ITGA8: variants seen among roughly 807,000 people sequenced by gnomAD.
ITGA8 encodes integrin subunit alpha 8.
ITGA8 carries 91 observed loss-of-function variants against 142.3 expected under a neutral mutation model. The ratio of observed to expected loss-of-function variants is 0.64; its 90% CI spans 0.54 to 0.76. The LOEUF is 0.76. Among genes scored for constraint, ITGA8 ranks in the 30% least tolerant of loss-of-function variants. The pLI is 0.00. For missense variants in ITGA8, 1,406 were observed against 1,327.7 expected (o/e 1.06, Z -0.92); for synonymous variants, 505 against 485.2 (o/e 1.04, Z -0.54).
At chr10:15,575,940 CGTGTGTGTGT>C (rs34463146) in intron 23 of ITGA8, among the ~76,000 whole-genome samples, 5 of 148,840 alleles carry the variant, frequency 3.4e-5, no homozygotes, top group African/African-American at 4.9e-5. Context: ...CATGTGAGAA[CGTGTGTGTGT>C]GTGTGTGTGT....
intron 15 of ITGA8, among the ~76,000 whole-genome samples, chr10:15,608,615 A>T (rs1833241039): frequency 2.0e-5 from 3 of 152,086 alleles, no homozygotes. Flanking sequence ...TGTGCCAGGG[A>T]GGGAAGAATT....
chr10:15,667,282 C>G (rs965081726), intron 8 of ITGA8, among the ~76,000 whole-genome samples: 8 of 151,988 alleles, frequency 5.3e-5, no homozygotes, highest in African/African-American at 1.9e-4. Flanking sequence ...TCCATTTCTT[C>G]TAGATTGTCT....
chr10:15,623,101 A>C (rs773686150), intron 13 of ITGA8, among the ~76,000 whole-genome samples: 1 of 152,050 alleles, frequency 6.6e-6, no homozygotes, highest in African/African-American at 2.4e-5. Context: ...TATCCTGAGG[A>C]TATGTTGGAC....
At position 15,517,031 on chromosome 10, in the gene ITGA8, C is replaced by CGT; in HGVS notation, c.*126_*127insAC. 2.1e-6 allele frequency: 1 copy of CGT among 483,568 alleles called. No homozygotes were observed. Among genetic ancestry groups the CGT allele is most frequent in the Non-Finnish European group, 3.4e-6 (1 of 294,100 alleles). The allele number at this position is 483,568 out of a possible 1,614,324, so 30.0% of individuals were successfully genotyped here. ...TGCGGTGTAGATGAGGTGATGTTTC[C>CGT]AGGGTCCCCTCCATTTCCTGGGTCA... On this transcript the variant is annotated 3_prime_UTR_variant, in exon 30 of 30. Coordinates refer to ENST00000378076, the MANE Select transcript of ITGA8 (RefSeq NM_003638.3).
chr10:15,590,983 T>C (rs1832911565), intron 22 of ITGA8, among the ~76,000 whole-genome samples: 1 of 152,196 alleles, frequency 6.6e-6, no homozygotes, highest in Non-Finnish European at 1.5e-5. Flanking sequence ...ACATGGGTTG[T>C]GGATTTTTAA....
intron 8 of ITGA8, among the ~76,000 whole-genome samples, chr10:15,667,709 G>C (rs1329928453): frequency 1.3e-5 from 2 of 151,806 alleles, no homozygotes; most frequent in East Asian, 1.9e-4. Flanking sequence ...AGAGATTCTG[G>C]TATGTTGTGT....
intron 22 of ITGA8, among the ~76,000 whole-genome samples, chr10:15,589,764 A>ATTT (rs5783452): frequency 0.038 from 5,278 of 137,548 alleles, 255 homozygotes; most frequent in African/African-American, 0.098. Context: ...CAAACGCTGT[A>ATTT]TTTTTTTTTT....
chr10:15,559,626 A>T (rs1220531038), intron 25 of ITGA8, among the ~76,000 whole-genome samples: 4 of 152,122 alleles, frequency 2.6e-5, no homozygotes, highest in Non-Finnish European at 5.9e-5. Context: ...AGGAAGGGTG[A>T]AGACCTTTAT....
At chr10:15,669,130 A>G (rs184095430) in intron 8 of ITGA8, among the ~76,000 whole-genome samples, 1 of 152,098 alleles carries the variant, frequency 6.6e-6, no homozygotes, top group Non-Finnish European at 1.5e-5. Flanking sequence ...ACTTGGTTCT[A>G]TTCTCCCTGT....
intron 26 of ITGA8, among the ~76,000 whole-genome samples, chr10:15,549,783 C>T (rs537786091): frequency 2.0e-5 from 3 of 152,074 alleles, no homozygotes; most frequent in Non-Finnish European, 4.4e-5. Flanking sequence ...CAGAATAATC[C>T]AAGGAACATA....
At chr10:15,697,737 C>A (rs968390959) in intron 2 of ITGA8, among the ~76,000 whole-genome samples, 1 of 152,020 alleles carries the variant, frequency 6.6e-6, no homozygotes, top group Non-Finnish European at 1.5e-5. Flanking sequence ...AAATATTATT[C>A]TTTAAAAACA....
chr10:15,549,201 G>GTTTTTATTTTTTTTT (rs1833741272), intron 26 of ITGA8, among the ~76,000 whole-genome samples: 2 of 107,342 alleles, frequency 1.9e-5, no homozygotes, highest in Non-Finnish European at 3.5e-5. Flanking sequence ...TTTCTTTTCT[G>GTTTTTATTTTTTTTT]TTTTTTTTTT....
chr10:15,620,076 T>A (rs914062120), intron 13 of ITGA8, among the ~76,000 whole-genome samples: 5 of 152,244 alleles, frequency 3.3e-5, no homozygotes, highest in African/African-American at 1.2e-4. Context: ...TGGAATGGTA[T>A]GGGTTGAAAT....
chr10:15,517,411 G>A lies in ITGA8; in HGVS notation c.3106-167C>T, dbSNP rs898077164. Among the ~76,000 whole-genome samples, 8 of 151,832 alleles carry A rather than the reference G, an allele frequency of 5.3e-5. No individual in the cohort carries two copies. The East Asian group carries it at 1.2e-3, about 22-fold the overall frequency. On this transcript the variant is annotated intron_variant, in intron 29 of 29. Transcript: ENST00000378076. ...GTGATCTTGGCTCACTGCAACCTCC[G>A]CCTCCCGGTTCAAGCGATTCTCCTG...
At chr10:15,668,456 G>T (rs1372614518) in intron 8 of ITGA8, among the ~76,000 whole-genome samples, 2 of 148,744 alleles carry the variant, frequency 1.3e-5, no homozygotes, top group South Asian at 2.3e-4. Flanking sequence ...ACACTGATGG[G>T]TCTTGACTCT....
intron 12 of ITGA8, among the ~76,000 whole-genome samples, chr10:15,645,646 A>G (rs1488905695): frequency 2.6e-5 from 4 of 152,204 alleles, no homozygotes; most frequent in African/African-American, 7.2e-5. Flanking sequence ...GGCCAAATAT[A>G]CTAATGAATA....
chr10:15,589,244 G>A (rs945750659), intron 22 of ITGA8, among the ~76,000 whole-genome samples: 2 of 151,964 alleles, frequency 1.3e-5, no homozygotes, highest in African/African-American at 4.8e-5. Flanking sequence ...CCTATTTCCT[G>A]CATTCTAACA....
At chr10:15,546,915 C>T (rs907725889) in intron 27 of ITGA8, among the ~76,000 whole-genome samples, 1 of 151,752 alleles carries the variant, frequency 6.6e-6, no homozygotes, top group African/African-American at 2.4e-5. Context: ...TCACAATGAC[C>T]TTTAAAACAA....
At chr10:15,559,611 A>G (rs7919613) in intron 25 of ITGA8, among the ~76,000 whole-genome samples, 60,164 of 151,928 alleles carry the variant, frequency 0.4, 12,569 homozygotes, top group African/African-American at 0.52. Context: ...TCCTGCAGAG[A>G]AGTAAGGAAG....
Sources: gnomAD v4.1 joint callset for allele counts (sites outside exome capture counted in the v4.1 genomes callset) on GRCh38, gnomAD v4.1.1 for gene constraint, MANE v1.5 for transcripts, NCBI Gene and HGNC (gene_info 2026-07-23, HGNC 2026-07-21) for gene names.